NLGN4X: variants seen among roughly 807,000 people sequenced by gnomAD.
NLGN4X encodes the protein neuroligin-4, X-linked.
Under a neutral mutation model 40.3 loss-of-function variants are expected in NLGN4X, and 3 were observed. The observed-to-expected ratio is 0.07, with a 90% CI of 0.03 to 0.19. NLGN4X has a LOEUF of 0.19. NLGN4X is among the 10% of genes least tolerant of loss of function. The pLI, the probability that NLGN4X is intolerant of heterozygous loss-of-function variation, is 1.00. For missense variants in NLGN4X, 382 were observed against 708.3 expected (o/e 0.54, Z 5.23); for synonymous variants, 270 against 306.8 (o/e 0.88, Z 1.25).
At chrX:5,964,798 C>T (rs944165856) in intron 3 of NLGN4X, among the ~76,000 whole-genome samples, 2 of 112,267 alleles carry the variant, frequency 1.8e-5, no homozygotes, top group African/African-American at 6.5e-5. Flanking sequence ...GGATTACAGG[C>T]ATATGCCACC....
chrX:5,912,130 T>A, intron 3 of NLGN4X, among the ~76,000 whole-genome samples: 1 of 111,955 alleles, frequency 8.9e-6, no homozygotes, highest in Non-Finnish European at 1.9e-5. Flanking sequence ...ATTATGTAGG[T>A]GAACTGCATG....
chrX:6,001,697 TTA>T (rs1313416999), intron 3 of NLGN4X, among the ~76,000 whole-genome samples: 4 of 106,882 alleles, frequency 3.7e-5, no homozygotes, highest in African/African-American at 1.4e-4. Context: ...TTTTTTTTTT[TTA>T]AATATGGAAA....
chrX:6,201,927 A>G (rs1274213021), intron 1 of NLGN4X, among the ~76,000 whole-genome samples: 1 of 111,603 alleles, frequency 9.0e-6, no homozygotes, highest in Non-Finnish European at 1.9e-5. Context: ...GCAAAGCTAC[A>G]TAGGACAGTA....
intron 3 of NLGN4X, among the ~76,000 whole-genome samples, chrX:5,964,886 T>G (rs1035546840): frequency 1.8e-5 from 2 of 112,355 alleles, no homozygotes; most frequent in Non-Finnish European, 3.8e-5. Context: ...GCTTTACTAA[T>G]GCTATGCAAC....
intron 1 of NLGN4X, among the ~76,000 whole-genome samples, chrX:6,228,254 G>A (rs1185892291): frequency 2.7e-5 from 3 of 111,674 alleles, no homozygotes; most frequent in Admixed American, 9.5e-5. Flanking sequence ...CTCTTTAAGT[G>A]AAAATAAAAC....
At chrX:6,160,879 AGAG>A (rs1215437830) in intron 1 of NLGN4X, among the ~76,000 whole-genome samples, 2 of 76,760 alleles carry the variant, frequency 2.6e-5, no homozygotes, top group Non-Finnish European at 5.4e-5. Flanking sequence ...TGCTATATAT[AGAG>A]AGAGAATAAT....
intron 2 of NLGN4X, among the ~76,000 whole-genome samples, chrX:6,150,644 T>C (rs975205342): frequency 1.8e-5 from 2 of 112,382 alleles, no homozygotes; most frequent in Non-Finnish European, 3.8e-5. Flanking sequence ...AATTCTATTA[T>C]TTTTCTATAG....
chrX:6,127,279 T>G (rs189663394), intron 2 of NLGN4X, among the ~76,000 whole-genome samples: 3 of 112,318 alleles, frequency 2.7e-5, no homozygotes, highest in Non-Finnish European at 5.6e-5. Flanking sequence ...ATGCCATTTA[T>G]CCCTATCAAG....
intron 5 of NLGN4X, among the ~76,000 whole-genome samples, chrX:5,901,594 A>G (rs192937756): frequency 1.8e-5 from 2 of 110,945 alleles, no homozygotes; most frequent in Admixed American, 1.9e-4. Flanking sequence ...TGCTTTTTGT[A>G]TATTTTATAT....
rs1921123557 is a variant in NLGN4X, at chrX:6,179,099, A to AAGGAAGGAAGGAAGGAAGG, written c.-305-27329_-305-27328insCCTTCCTTCCTTCCTTCCT. On this transcript the variant is annotated intron_variant, in intron 1 of 5. Transcript: ENST00000381095. ...GAGCGACAAAGCAAGACCCTGAAAA[A>AAGGAAGGAAGGAAGGAAGG]AAGGAAGGAAGGAAGGAAGGAAGGA... 6.4e-5 allele frequency among the ~76,000 whole-genome samples: 5 copies of AAGGAAGGAAGGAAGGAAGG among 78,202 alleles called. 1 individual carries two copies. The highest frequency in any genetic ancestry group is 3.2e-4 in the African/African-American group (5 of 15,741). The allele number at this position is 78,202 out of a possible 115,157, so 67.9% of individuals were successfully genotyped here. A position where few individuals can be genotyped will look rare whatever the true frequency, so the allele number is the denominator to read the frequency against.
intron 3 of NLGN4X, among the ~76,000 whole-genome samples, chrX:5,921,556 G>A (rs1006354536): frequency 1.8e-5 from 2 of 110,455 alleles, no homozygotes; most frequent in Admixed American, 9.7e-5. Context: ...TGTTTGCGGG[G>A]TAAGTGAGGG....
At chrX:6,220,021 TTA>T (rs1925514016) in intron 1 of NLGN4X, among the ~76,000 whole-genome samples, 1 of 111,170 alleles carries the variant, frequency 9.0e-6, no homozygotes, top group Non-Finnish European at 1.9e-5. Context: ...TTTTTTTTTT[TTA>T]TGTGGTAGTG....
chrX:6,155,723 G>A (rs2040249014), intron 1 of NLGN4X, among the ~76,000 whole-genome samples: 1 of 112,169 alleles, frequency 8.9e-6, no homozygotes, highest in African/African-American at 3.2e-5. Flanking sequence ...TTTGCCTTTT[G>A]TCAAATCTTA....
At chrX:6,098,061 C>T (rs1453609919) in intron 2 of NLGN4X, among the ~76,000 whole-genome samples, 1 of 112,485 alleles carries the variant, frequency 8.9e-6, no homozygotes, top group Non-Finnish European at 1.9e-5. Context: ...AGGCCCAGGC[C>T]GGAGGATCGC....
At chrX:6,090,055 T>A (rs938590452) in intron 2 of NLGN4X, among the ~76,000 whole-genome samples, 8 of 111,251 alleles carry the variant, frequency 7.2e-5, no homozygotes, top group Non-Finnish European at 7.5e-5. Context: ...CAAGAGTCAA[T>A]CACGTAAACA....
chrX:6,005,354 A>C (rs752890872), intron 3 of NLGN4X, among the ~76,000 whole-genome samples: 1 of 111,710 alleles, frequency 9.0e-6, no homozygotes, highest in South Asian at 3.9e-4. Flanking sequence ...ACCACAAGGG[A>C]TACATGCCAT....
intron 2 of NLGN4X, among the ~76,000 whole-genome samples, chrX:6,049,495 A>G (rs1390822810): frequency 9.2e-6 from 1 of 109,243 alleles, no homozygotes; most frequent in African/African-American, 3.3e-5. Flanking sequence ...CTACTTTTCC[A>G]TCATCGTCTG....
intron 1 of NLGN4X, among the ~76,000 whole-genome samples, chrX:6,179,414 T>C (rs1486276979): frequency 5.3e-5 from 6 of 112,258 alleles, no homozygotes; most frequent in African/African-American, 1.9e-4. Flanking sequence ...TCCAGTTGCA[T>C]AGGGCTAGAG....
intron 2 of NLGN4X, among the ~76,000 whole-genome samples, chrX:6,039,388 T>C (rs1473053995): frequency 9.0e-6 from 1 of 111,717 alleles, no homozygotes; most frequent in African/African-American, 3.3e-5. Context: ...TACACATGAA[T>C]GAGCCCAGCC....
Sources: gnomAD v4.1 joint callset for allele counts (sites outside exome capture counted in the v4.1 genomes callset) on GRCh38, gnomAD v4.1.1 for gene constraint, MANE v1.5 for transcripts, NCBI Gene and HGNC (gene_info 2026-07-23, HGNC 2026-07-21) for gene names.